The following ELN variants were observed in gnomAD, a reference collection of about 807,000 sequenced individuals.
ELN encodes tropoelastin.
A neutral mutation model predicts 105.8 loss-of-function variants in ELN; 65 were observed. The ratio of observed to expected loss-of-function variants is 0.61; its 90% CI spans 0.50 to 0.75. The LOEUF is 0.75. Ranked by LOEUF, ELN falls within the 30% of genes least tolerant of loss-of-function variation. The pLI is 0.00. For synonymous variants in ELN, 368 were observed against 389.2 expected (o/e 0.95, Z 0.64); for missense variants, 882 against 969.4 (o/e 0.91, Z 1.20).
At chr7:74,035,454 A>T in intron 2 of ELN, 40 bp downstream of exon 2, 1 of 1,610,196 alleles carries the variant, frequency 6.2e-7, no homozygotes, top group Non-Finnish European at 8.5e-7. Context: ...GGTCATGCGG[A>T]TGATGCTGAT....
intron 1 of ELN, among the ~76,000 whole-genome samples, chr7:74,032,752 G>A (rs969753378): frequency 3.9e-5 from 6 of 152,100 alleles, no homozygotes; most frequent in Non-Finnish European, 7.4e-5. Flanking sequence ...AGAACCCCAG[G>A]AGAAAGGAAG....
At chr7:74,056,138 C>A in intron 19 of ELN, 133 bp from the exon 20 acceptor site, 1 of 1,221,360 alleles carries the variant, frequency 8.2e-7, no homozygotes, top group Non-Finnish European at 1.2e-6. Flanking sequence ...CCCAGGCATC[C>A]CAGTTTTCTG....
At chr7:74,065,328 G>T (rs1797697594) in intron 29 of ELN, among the ~76,000 whole-genome samples, 2 of 151,762 alleles carry the variant, frequency 1.3e-5, no homozygotes, top group South Asian at 4.2e-4. Flanking sequence ...CAGAAGACAG[G>T]GCCTAGCCAG....
At chr7:74,035,282 T>C (rs574513909) in intron 1 of ELN, 82 bp from the exon 2 acceptor site, 9 of 1,442,552 alleles carry the variant, frequency 6.2e-6, no homozygotes, top group South Asian at 5.8e-5. Context: ...CCATTGAAAG[T>C]AATGGCAAAA....
chr7:74,068,417 T>C (rs1027088847), intron 32 of ELN, among the ~76,000 whole-genome samples: 1 of 152,214 alleles, frequency 6.6e-6, no homozygotes, highest in Non-Finnish European at 1.5e-5. Context: ...CCAGGCCCCA[T>C]GACCTGCCCC....
At chr7:74,036,840 G>A (rs1229827859) in intron 3 of ELN, among the ~76,000 whole-genome samples, 1 of 152,006 alleles carries the variant, frequency 6.6e-6, no homozygotes, top group African/African-American at 2.4e-5. Context: ...GAGGACGGGG[G>A]GACAGAGTCT....
In ELN at chr7:74,048,166, G is replaced by A. The variant is rs934014841; in HGVS notation, c.710G>A (p.Gly237Asp). The change falls in exon 14 of 33, where the codon GGT becomes GAT. Residue 237 changes from glycine to aspartate, a missense_variant. Transcript: ENST00000252034. ...PYGYGPGGVA[G>D]AAGKAGYPTG... is the part of the protein sequence containing the mutation. Reference sequence around the variant, plus strand: ...GGCTATGGGCCCGGAGGAGTGGCTGGTGCAGCGGGCAAGGCTGGTTACCCA... The same window carrying A: ...GGCTATGGGCCCGGAGGAGTGGCTGATGCAGCGGGCAAGGCTGGTTACCCA... The A allele has an allele frequency of 5.0e-6, 8 of 1,614,024 alleles. No individual in the cohort carries two copies. The highest frequency in any genetic ancestry group is 1.1e-5 in the South Asian group (1 of 91,078).
intron 22 of ELN, among the ~76,000 whole-genome samples, chr7:74,058,649 C>A (rs1795924062): frequency 6.6e-6 from 1 of 152,202 alleles, no homozygotes; most frequent in Non-Finnish European, 1.5e-5. Context: ...AGCCACCACA[C>A]CCGGCCTGCA....
chr7:74,046,847 G>A (rs782537117), intron 12 of ELN, 80 bp downstream of exon 12: 256 of 1,504,086 alleles, frequency 1.7e-4, no homozygotes, highest in Non-Finnish European at 2.1e-4. Context: ...ACTTTGGGAG[G>A]CTAAGGCGGG....
In ELN at chr7:74,052,768, CAAAA is replaced by C. The variant is rs555344999; in HGVS notation, c.950-394_950-391del. On this transcript the variant is annotated intron_variant, in intron 17 of 32. Transcript: ENST00000252034. ...GGCAGGAAGGAAAGAAAGGAAGAAA[CAAAA>C]GAGAGAAAGAGAAAGAAAGAAAGGG... 168 of 152,376 alleles carry C rather than the reference CAAAA, an allele frequency of 1.1e-3. 1 individual carries two copies. In the Middle Eastern group the frequency reaches 0.025, roughly 23 times the overall value. 9.4% of individuals were successfully genotyped at this position (152,376 alleles called of 1,614,324 possible). A position where few individuals can be genotyped will look rare whatever the true frequency, so the allele number is the denominator to read the frequency against.
In ELN at chr7:74,063,196, TGGA is replaced by T. The variant is rs782489098; in HGVS notation, c.1832_1834del (p.Gly611del). On this transcript the variant is annotated inframe_deletion, in exon 27 of 33. Transcript: ENST00000252034. The surrounding 1 kb of genome is among the most constrained non-coding windows in gnomAD (Gnocchi z 4.1). Reference sequence around the variant, plus strand: ...TCCTTGGAGGGCTCGGGGCTCTCGGTGGAGTAGGCATCCCAGGCGGTGTGGTGG... The same window carrying T: ...TCCTTGGAGGGCTCGGGGCTCTCGGTGTAGGCATCCCAGGCGGTGTGGTGG... 1 of 1,609,568 alleles carries T rather than the reference TGGA, an allele frequency of 6.2e-7. No homozygotes were observed. The highest frequency in any genetic ancestry group is 2.2e-5 in the East Asian group (1 of 44,760).
intron 8 of ELN, chr7:74,043,623 G>C (rs1383359459): frequency 1.6e-6 from 1 of 638,472 alleles, no homozygotes; most frequent in Non-Finnish European, 2.8e-6. Flanking sequence ...GAAGCTGTTA[G>C]CCAGAGGTGG....
At chr7:74,042,955 G>A (rs782710783) in intron 6 of ELN, 29 bp from the exon 7 acceptor site, 31 of 1,613,876 alleles carry the variant, frequency 1.9e-5, no homozygotes, top group East Asian at 6.7e-5. Context: ...TGTTCCTTAC[G>A]CAATGCCTCA....
At chr7:74,061,046 C>A in intron 25 of ELN, 55 bp from the exon 26 acceptor site, 1 of 1,610,644 alleles carries the variant, frequency 6.2e-7, no homozygotes, top group Non-Finnish European at 8.5e-7. Context: ...GGCGGCAGAA[C>A]TCCCAGGCAC....
chr7:74,064,460 A>T (rs1797518164), intron 29 of ELN, among the ~76,000 whole-genome samples: 2 of 148,190 alleles, frequency 1.3e-5, no homozygotes, highest in Non-Finnish European at 3.0e-5. Flanking sequence ...GTATGTATGT[A>T]TATAAATTAG....
chr7:74,057,714 C>T lies in ELN; in HGVS notation c.1414+18C>T. On this transcript the variant is annotated intron_variant, in intron 22 of 32. Coordinates refer to ENST00000252034, the MANE Select transcript of ELN (RefSeq NM_000501.4). Reference sequence around the variant, plus strand: ...CCAGTTTGGTAAGTCCCCCTCACCCCCGCCACTGGCTCACGGAGAACTGCT... The same window carrying T: ...CCAGTTTGGTAAGTCCCCCTCACCCTCGCCACTGGCTCACGGAGAACTGCT... The T allele has an allele frequency of 1.9e-6, 3 of 1,612,722 alleles. No homozygotes were observed. The highest frequency in any genetic ancestry group is 2.5e-6 in the Non-Finnish European group (3 of 1,179,802).
intron 18 of ELN, 142 bp from the exon 19 acceptor site, chr7:74,054,574 G>A (rs1794847738): frequency 1.2e-6 from 1 of 826,242 alleles, no homozygotes; most frequent in African/African-American, 1.7e-5. Flanking sequence ...GTGGACATCA[G>A]TGCATAAATG....
chr7:74,028,251 C>T lies in ELN; in HGVS notation c.64C>T (p.His22Tyr), dbSNP rs782761490. ...CCTCCTGCTCCTGCTGTCCATCCTC[C>T]ACCCCTCTCGGCCTGGAGGTAAGGA... ...GVLLLLLSIL[H>Y]PSRPGGVPGA... The change falls in exon 1 of 33, where the codon CAC (histidine) becomes TAC (tyrosine). Residue 22 changes from histidine to tyrosine, a missense_variant. His to Tyr is a moderately conservative substitution (Grantham distance 83). Coordinates refer to ENST00000252034, the MANE Select transcript of ELN (RefSeq NM_000501.4). 1 of 1,609,758 alleles carries T rather than the reference C, an allele frequency of 6.2e-7. No individual in the cohort carries two copies. The highest frequency in any genetic ancestry group is 8.5e-7 in the Non-Finnish European group (1 of 1,179,610).
intron 1 of ELN, among the ~76,000 whole-genome samples, chr7:74,030,478 T>C (rs2130921090): frequency 6.6e-6 from 1 of 151,878 alleles, no homozygotes; most frequent in African/African-American, 2.4e-5. Context: ...TTTTTTTTTT[T>C]TTTTCCTGAT....
Sources: gnomAD v4.1 joint callset for allele counts (sites outside exome capture counted in the v4.1 genomes callset) on GRCh38, gnomAD v4.1.1 for gene constraint, Gnocchi (gnomAD v3.1) non-coding constraint, MANE v1.5 for transcripts, NCBI Gene and HGNC (gene_info 2026-07-23, HGNC 2026-07-21) for gene names.